Variants in INPP5K observed in about 807,000 individuals in gnomAD.
INPP5K encodes inositol polyphosphate-5-phosphatase K.
A neutral mutation model predicts 53.5 loss-of-function variants in INPP5K; 35 were observed. The ratio of observed to expected loss-of-function variants is 0.65; its 90% CI spans 0.50 to 0.87. INPP5K has a LOEUF of 0.87. INPP5K is among the 40% of genes least tolerant of loss of function. The pLI is 0.00. For missense variants in INPP5K, 550 were observed against 586.2 expected, an observed-to-expected ratio of 0.94 and a Z score of 0.64; for synonymous variants, 253 against 232.8, an observed-to-expected ratio of 1.09 and a Z score of -0.79.
chr17:1,506,980 C>A lies in INPP5K; in HGVS notation c.776G>T (p.Ser259Ile). 6.2e-7 allele frequency: 1 copy of A among 1,610,862 alleles called. No individual in the cohort carries two copies. The highest frequency in any genetic ancestry group is 8.5e-7 in the Non-Finnish European group (1 of 1,177,116). Residue 259 changes from serine to isoleucine, a missense_variant and splice_region_variant, in exon 7 of 12, where the codon AGT becomes ATT. Ser to Ile is a moderately radical substitution (Grantham distance 142, BLOSUM62 -2). Coordinates refer to ENST00000421807, the MANE Select transcript of INPP5K (RefSeq NM_016532.4). ...FDRNSNDYDT[S>I]EKKRKPAWTD... ...TTCTGGCCCCCCACTCCCTCCTCAC[C>A]TGGTGTCATAGTCGTTGGAGTTCCT...
chr17:1,516,264 C>T, intron 1 of INPP5K, 192 bp downstream of exon 1: 2 of 862,294 alleles, frequency 2.3e-6, no homozygotes, highest in South Asian at 2.0e-5. Flanking sequence ...ACGAGCTTGG[C>T]GGCCTCGGCT....
rs747963973 is a variant in INPP5K at position 1,509,308 on chromosome 17, A to G, written c.424T>C (p.Tyr142His). ...AGGTGGCAGTTGATGATGCTGACAT[A>G]GTAGCCATAAAGCTTCAGGCAGATG... ...VNICLKLYGY[Y>H]VSIINCHLPP... The change falls in exon 5 of 12, where the codon TAT becomes CAT. Residue 142 changes from tyrosine to histidine, a missense_variant. Physicochemically the swap from Tyr to His is moderately conservative, Grantham distance 83. Transcript: ENST00000421807. 2 of 1,614,102 alleles carry G rather than the reference A, an allele frequency of 1.2e-6. No homozygotes were observed. Among genetic ancestry groups the G allele is most frequent in the Middle Eastern group, 1.7e-4 (1 of 6,060 alleles).
chr17:1,502,218 G>A (rs539184959), intron 7 of INPP5K, among the ~76,000 whole-genome samples: 3 of 150,716 alleles, frequency 2.0e-5, no homozygotes, highest in Admixed American at 1.3e-4. Context: ...GCGTGGTGAC[G>A]GGCGCCTGTA....
intron 5 of INPP5K, 162 bp from the exon 6 acceptor site, chr17:1,508,388 A>C (rs2075216156): frequency 1.0e-4 from 63 of 630,828 alleles, no homozygotes; most frequent in Middle Eastern, 4.2e-4. Flanking sequence ...AACTGTTCTC[A>C]TGGCTCCTAA....
At chr17:1,511,977 T>G (rs553771046) in intron 3 of INPP5K, among the ~76,000 whole-genome samples, 2 of 151,590 alleles carry the variant, frequency 1.3e-5, no homozygotes, top group African/African-American at 4.8e-5. Flanking sequence ...GGAAATGAAG[T>G]AGGAGGAGCG....
intron 6 of INPP5K, 22 bp from the exon 7 acceptor site, chr17:1,507,111 C>T: frequency 6.3e-7 from 1 of 1,596,330 alleles, no homozygotes; most frequent in Non-Finnish European, 8.6e-7. Context: ...GTCATAGTCC[C>T]CGTCTCCCAG....
intron 5 of INPP5K, chr17:1,508,837 G>C (rs79578619): frequency 1.8e-4 from 45 of 254,090 alleles, no homozygotes; most frequent in East Asian, 8.1e-4. Context: ...TCACTCGTGG[G>C]GGTCAGCGTG....
intron 7 of INPP5K, among the ~76,000 whole-genome samples, chr17:1,498,815 T>C (rs2074930678): frequency 6.6e-6 from 1 of 152,208 alleles, no homozygotes; most frequent in African/African-American, 2.4e-5. Flanking sequence ...CAGCCTAGTT[T>C]TGAACTGCTG....
Position 1,495,636 on chromosome 17 carries a change from C to T in INPP5K, c.*187G>A, listed in dbSNP as rs2074809314. On this transcript the variant is annotated 3_prime_UTR_variant, in exon 12 of 12. Coordinates refer to ENST00000421807, the MANE Select transcript of INPP5K (RefSeq NM_016532.4). The stretch of plus-strand genomic sequence containing the variant: ...GCAACAAAAACCTGTATTTAAGCGG[C>T]TAATTCCAGAGATGAGTAGTGGAGA... 1.8e-6 allele frequency: 1 copy of T among 570,690 alleles called. No individual in the cohort carries two copies. The highest frequency in any genetic ancestry group is 1.9e-5 in the African/African-American group (1 of 53,088). The allele number at this position is 570,690 out of a possible 1,614,324, so 35.4% of individuals were successfully genotyped here.
intron 7 of INPP5K, among the ~76,000 whole-genome samples, chr17:1,503,530 G>A (rs2075083022): frequency 6.6e-6 from 1 of 151,870 alleles, no homozygotes; most frequent in South Asian, 2.1e-4. Context: ...TTCTCACTCT[G>A]ATGGTGAAAC....
intron 5 of INPP5K, 46 bp downstream of exon 5, chr17:1,509,132 A>G: frequency 7.4e-7 from 1 of 1,342,326 alleles, no homozygotes; most frequent in East Asian, 2.7e-5. Flanking sequence ...AGTGGGGGTT[A>G]GCGTGGGGCA....
intron 1 of INPP5K, among the ~76,000 whole-genome samples, chr17:1,514,640 TTCCA>T (rs71148493): frequency 0.022 from 3,400 of 151,890 alleles, 54 homozygotes; most frequent in Non-Finnish European, 0.031. Flanking sequence ...AATGTATTAA[TTCCA>T]TCAGCTCCTC....
chr17:1,509,871 C>T (rs911775609), intron 3 of INPP5K, 72 bp from the exon 4 acceptor site: 3 of 865,432 alleles, frequency 3.5e-6, no homozygotes, highest in East Asian at 2.4e-5. Flanking sequence ...AAGCTCCGTG[C>T]TAGGGACTCT....
At position 1,494,922 on chromosome 17, in the gene INPP5K, T is replaced by G. The variant is rs958661365; in HGVS notation, c.*901A>C. 5.2e-5 allele frequency: 8 copies of G among 152,484 alleles called. No individual in the cohort carries two copies. In the East Asian group the frequency reaches 1.3e-3, roughly 26 times the overall value. The allele number at this position is 152,484 out of a possible 1,614,324, so 9.4% of individuals were successfully genotyped here. A position where few individuals can be genotyped will look rare whatever the true frequency, so the allele number is the denominator to read the frequency against. ...AATGTCTTGAGCTGGTTCTCCCTTCTGCCTGCCCCCACTCTGAGGTCCCGG... is the reference window on the plus strand; with the variant it reads ...AATGTCTTGAGCTGGTTCTCCCTTCGGCCTGCCCCCACTCTGAGGTCCCGG... On this transcript the variant is annotated 3_prime_UTR_variant, in exon 12 of 12. Coordinates refer to ENST00000421807, the MANE Select transcript of INPP5K (RefSeq NM_016532.4).
In INPP5K at chr17:1,513,536, T is replaced by C. The variant is rs765126431; in HGVS notation, c.178A>G (p.Ile60Val). 6 of 1,614,282 alleles carry C rather than the reference T, an allele frequency of 3.7e-6. No individual in the cohort carries two copies. Among genetic ancestry groups the C allele is most frequent in the South Asian group, 3.3e-5 (3 of 91,092 alleles). ...IGLQELNSGI[I>V]SLLSDAAFND... ...AAGGCAGCATCGGAAAGGAGGCTTA[T>C]GATCCCAGAGTTCAATTCCTGCAAA... is the stretch of plus-strand genomic sequence containing the variant. The change falls in exon 3 of 12, where the codon ATA (isoleucine) becomes GTA (valine). Residue 60 changes from isoleucine to valine, a missense_variant. Transcript: ENST00000421807.
chr17:1,508,922 G>A (rs8076156), intron 5 of INPP5K: 8,131 of 255,126 alleles, frequency 0.032, 28 homozygotes, highest in Middle Eastern at 0.051. Flanking sequence ...GGCGGGGAAC[G>A]GTCTGCAGAC....
At chr17:1,509,849 T>G in intron 3 of INPP5K, 50 bp from the exon 4 acceptor site, 1 of 1,132,276 alleles carries the variant, frequency 8.8e-7, no homozygotes, top group Non-Finnish European at 1.3e-6. Context: ...ACAGGCCAAG[T>G]GCATCCCTTC....
At chr17:1,501,020 G>A (rs1350699398) in intron 7 of INPP5K, among the ~76,000 whole-genome samples, 9 of 147,900 alleles carry the variant, frequency 6.1e-5, no homozygotes, top group African/African-American at 1.0e-4. Context: ...GTGCAGTGGC[G>A]CAATCTCAGC....
chr17:1,514,114 G>T, intron 1 of INPP5K, 135 bp from the exon 2 acceptor site: 1 of 483,868 alleles, frequency 2.1e-6, no homozygotes, highest in Non-Finnish European at 3.7e-6. Flanking sequence ...CCTGAGGTCG[G>T]GAGTTCGAGA....
Sources: gnomAD v4.1 joint callset for allele counts (sites outside exome capture counted in the v4.1 genomes callset) on GRCh38, gnomAD v4.1.1 for gene constraint, MANE v1.5 for transcripts, NCBI Gene and HGNC (gene_info 2026-07-23, HGNC 2026-07-21) for gene names.